RFX3: variants seen among roughly 807,000 people sequenced by gnomAD.
RFX3 encodes transcription factor RFX3.
RFX3 carries 14 observed loss-of-function variants against 98.6 expected under a neutral mutation model. The ratio of observed to expected loss-of-function variants is 0.14; its 90% CI spans 0.09 to 0.22. The LOEUF is 0.22. Ranked by LOEUF, RFX3 falls within the 10% of genes least tolerant of loss-of-function variation. The probability of loss-of-function intolerance (pLI) is 1.00; values close to 1 mark genes in which losing one functional copy is unlikely to be tolerated. For synonymous variants in RFX3, 383 were observed against 328.4 expected (o/e 1.17, Z -1.80); for missense variants, 639 against 926.9 (o/e 0.69, Z 4.03).
At chr9:3,228,182 G>A (rs752359861) in intron 16 of RFX3, among the ~76,000 whole-genome samples, 95 of 152,228 alleles carry the variant, frequency 6.2e-4, no homozygotes, top group Non-Finnish European at 1.3e-3. Flanking sequence ...CTTCTGCTCT[G>A]CTTATAAAGG....
At chr9:3,383,019 T>A (rs1000260304) in intron 2 of RFX3, among the ~76,000 whole-genome samples, 2 of 152,288 alleles carry the variant, frequency 1.3e-5, no homozygotes, top group African/African-American at 4.8e-5. Context: ...TATTTCAGAT[T>A]GGCAAAGTTA....
chr9:3,269,330 C>T (rs550932105), intron 11 of RFX3, among the ~76,000 whole-genome samples: 17 of 152,114 alleles, frequency 1.1e-4, no homozygotes, highest in African/African-American at 4.1e-4. Flanking sequence ...TATAAGCATA[C>T]AAATGTTAAT....
intron 3 of RFX3, among the ~76,000 whole-genome samples, chr9:3,331,555 T>C (rs756598909): frequency 3.9e-5 from 6 of 152,158 alleles, no homozygotes; most frequent in Non-Finnish European, 8.8e-5. Context: ...GGTGTATATG[T>C]TTTCAGATCT....
intron 1 of RFX3, among the ~76,000 whole-genome samples, chr9:3,514,710 A>ATG (rs1205152082): frequency 6.6e-6 from 1 of 152,152 alleles, no homozygotes; most frequent in Non-Finnish European, 1.5e-5. Context: ...CAGCCTCCCA[A>ATG]TGTGCTGGGA....
chr9:3,389,130 A>C (rs189893606), intron 2 of RFX3, among the ~76,000 whole-genome samples: 33 of 152,308 alleles, frequency 2.2e-4, no homozygotes, highest in African/African-American at 7.7e-4. Context: ...GACTTCTGTC[A>C]AAGTTCTACC....
At position 3,456,968 on chromosome 9, in the gene RFX3, G is replaced by A. The variant is rs188046519; in HGVS notation, c.-8-61372C>T. On this transcript the variant is annotated intron_variant, in intron 1 of 16. Coordinates refer to ENST00000617270, the MANE Select transcript of RFX3 (RefSeq NM_001282116.2). The stretch of plus-strand genomic sequence containing the variant: ...TCGAGACCATCCTGGCCAACATGGT[G>A]AAACCCCGTCTCTACTACAGAAATT... Among the ~76,000 whole-genome samples, 1,161 of 151,776 alleles carry A rather than the reference G, an allele frequency of 7.6e-3. 20 individuals carry two copies. The highest frequency in any genetic ancestry group is 0.029 in the Admixed American group (438 of 15,252).
chr9:3,427,148 T>C (rs1844127507), intron 1 of RFX3, among the ~76,000 whole-genome samples: 1 of 149,740 alleles, frequency 6.7e-6, no homozygotes, highest in South Asian at 2.1e-4. Context: ...TTATTTTGAC[T>C]ATTGGTCATA....
chr9:3,392,415 T>C (rs771126613), intron 2 of RFX3, among the ~76,000 whole-genome samples: 3 of 150,768 alleles, frequency 2.0e-5, no homozygotes, highest in Non-Finnish European at 4.4e-5. Context: ...AAGGAACACA[T>C]AGGAATTTTT....
chr9:3,467,984 A>G (rs1182368308), intron 1 of RFX3, among the ~76,000 whole-genome samples: 3 of 152,206 alleles, frequency 2.0e-5, no homozygotes, highest in Non-Finnish European at 4.4e-5. Context: ...GAAAGCCAGA[A>G]TATTTTTTGA....
intron 15 of RFX3, among the ~76,000 whole-genome samples, chr9:3,229,376 T>C (rs1428162877): frequency 3.3e-5 from 5 of 152,150 alleles, no homozygotes; most frequent in African/African-American, 9.7e-5. Context: ...AAAAGGAAAA[T>C]AGAAACTCCA....
chr9:3,340,427 T>C (rs1244297116), intron 3 of RFX3, among the ~76,000 whole-genome samples: 1 of 152,092 alleles, frequency 6.6e-6, no homozygotes, highest in East Asian at 1.9e-4. Context: ...CCAAAGAGCT[T>C]CTGCACAGCA....
chr9:3,274,278 G>A (rs1294291340), intron 9 of RFX3, among the ~76,000 whole-genome samples: 1 of 152,178 alleles, frequency 6.6e-6, no homozygotes, highest in Non-Finnish European at 1.5e-5. Context: ...TATGAGCTAA[G>A]AACCTCTTAC....
intron 1 of RFX3, among the ~76,000 whole-genome samples, chr9:3,488,270 G>A (rs10972227): frequency 6.6e-6 from 1 of 152,086 alleles, no homozygotes; most frequent in African/African-American, 2.4e-5. Flanking sequence ...ACTTTACCAA[G>A]AGAAGGACTT....
chr9:3,458,702 T>C (rs1847411897), intron 1 of RFX3, among the ~76,000 whole-genome samples: 1 of 152,202 alleles, frequency 6.6e-6, no homozygotes, highest in Non-Finnish European at 1.5e-5. Flanking sequence ...CCTGTAGTTG[T>C]AGTTTCTTCT....
intron 4 of RFX3, among the ~76,000 whole-genome samples, chr9:3,313,131 C>A (rs548418899): frequency 6.6e-6 from 1 of 152,188 alleles, no homozygotes; most frequent in Non-Finnish European, 1.5e-5. Context: ...GGCCGACTGA[C>A]ACCTCATACA....
intron 2 of RFX3, among the ~76,000 whole-genome samples, chr9:3,390,477 C>T (rs1215050794): frequency 6.6e-6 from 1 of 152,000 alleles, no homozygotes. Context: ...CTGAAGTGGT[C>T]TCAGATGGAG....
intron 15 of RFX3, among the ~76,000 whole-genome samples, chr9:3,232,118 GA>G (rs1236226247): frequency 2.2e-4 from 33 of 150,040 alleles, no homozygotes; most frequent in East Asian, 9.8e-4. Context: ...AGATTTAGAT[GA>G]AAAAAAAAGG....
intron 1 of RFX3, among the ~76,000 whole-genome samples, 170 bp downstream of exon 1, chr9:3,525,577 G>A (rs1210944696): frequency 1.3e-5 from 2 of 152,006 alleles, no homozygotes; most frequent in African/African-American, 2.4e-5. Context: ...AACAAGCCCG[G>A]GGAACAGAGC....
At chr9:3,357,564 C>T (rs982912777) in intron 2 of RFX3, among the ~76,000 whole-genome samples, 5 of 152,028 alleles carry the variant, frequency 3.3e-5, no homozygotes, top group African/African-American at 1.2e-4. Context: ...GCTTATATTA[C>T]AACCAAATTT....
Sources: allele counts gnomAD v4.1 joint callset (sites outside exome capture counted in the v4.1 genomes callset), GRCh38; gene constraint gnomAD v4.1.1; transcripts MANE v1.5; gene names NCBI Gene and HGNC (gene_info 2026-07-23, HGNC 2026-07-21).